Variants in HARS1 observed in about 807,000 individuals in gnomAD.
HARS1 encodes histidyl-tRNA synthetase 1.
HARS1 carries 45 observed loss-of-function variants against 63.6 expected under a neutral mutation model. The ratio of observed to expected loss-of-function variants is 0.71; its 90% CI spans 0.56 to 0.91. HARS1 has a LOEUF of 0.91. HARS1 is among the 40% of genes least tolerant of loss of function. The probability of loss-of-function intolerance (pLI) is 0.00; values close to 1 mark genes in which losing one functional copy is unlikely to be tolerated. For synonymous variants in HARS1, 205 were observed against 247.1 expected, an observed-to-expected ratio of 0.83 and a Z score of 1.60; for missense variants, 508 against 643.2, an observed-to-expected ratio of 0.79 and a Z score of 2.27.
intron 8 of HARS1, 89 bp from the exon 9 acceptor site, chr5:140,677,205 G>T: frequency 2.0e-6 from 3 of 1,463,714 alleles, no homozygotes; most frequent in Non-Finnish European, 2.9e-6. Flanking sequence ...AGTCGCCCAT[G>T]CATGTGTGTG....
rs777375880 is a variant in HARS1 at position 140,678,965 on chromosome 5, A to G, written c.522+37T>C. ...ATTCTGCTGGCTTGAGAGAGCCCCA[A>G]GTAACTCATCCTGCCCCACGGTTTC... is the stretch of plus-strand genomic sequence containing the variant. On this transcript the variant is annotated intron_variant, in intron 5 of 12. Coordinates refer to ENST00000504156, the MANE Select transcript of HARS1 (RefSeq NM_002109.6). The G allele has an allele frequency of 4.7e-5, 75 of 1,608,374 alleles. No individual in the cohort carries two copies. The East Asian group carries it at 1.4e-3, about 31-fold the overall frequency.
At position 140,674,019 on chromosome 5, in the gene HARS1, A is replaced by C. The variant is rs1758193161; in HGVS notation, c.*238T>G. On this transcript the variant is annotated 3_prime_UTR_variant, in exon 13 of 13. Transcript: ENST00000504156. Reference sequence around the variant, plus strand: ...ATCTCAGGCTGGGTCCTTGTAGCCCAGGAGCACAGACTGGACTAAGCCTCC... The same window carrying C: ...ATCTCAGGCTGGGTCCTTGTAGCCCCGGAGCACAGACTGGACTAAGCCTCC... 6.6e-6 allele frequency: 4 copies of C among 602,804 alleles called. 1 individual carries two copies. In the South Asian group the frequency reaches 7.7e-5, roughly 12 times the overall value. The allele number at this position is 602,804 out of a possible 1,614,324, so 37.3% of individuals were successfully genotyped here.
intron 8 of HARS1, 35 bp downstream of exon 8, chr5:140,677,292 G>C (rs748629604): frequency 4.0e-6 from 6 of 1,518,984 alleles, no homozygotes; most frequent in Non-Finnish European, 5.5e-6. Context: ...AGGGCAGTGG[G>C]ACGGCTGCTG....
At position 140,691,341 on chromosome 5, in the gene HARS1, T is replaced by A; in HGVS notation, c.-37A>T. 1 of 1,501,542 alleles carries A rather than the reference T, an allele frequency of 6.7e-7. No homozygotes were observed. The allele number at this position is 1,501,542 out of a possible 1,614,324, so 93.0% of individuals were successfully genotyped here. On this transcript the variant is annotated 5_prime_UTR_variant, in exon 1 of 13. Coordinates refer to ENST00000504156, the MANE Select transcript of HARS1 (RefSeq NM_002109.6). ...ACTTGAGCCGCCTGCTGTCTCGACCTGCGGTGGTTGCCCCAGCCTCAGCAA... is the reference window on the plus strand; with the variant it reads ...ACTTGAGCCGCCTGCTGTCTCGACCAGCGGTGGTTGCCCCAGCCTCAGCAA...
rs1194898229 is a variant in HARS1, at chr5:140,690,838, T to A, written c.180+17A>T. The A allele has an allele frequency of 7.1e-7, 1 of 1,416,804 alleles. No individual in the cohort carries two copies. Among genetic ancestry groups the A allele is most frequent in the Non-Finnish European group, 1.0e-6 (1 of 999,590 alleles). 87.8% of individuals were successfully genotyped at this position (1,416,804 alleles called of 1,614,324 possible). On this transcript the variant is annotated intron_variant, in intron 2 of 12. Coordinates refer to ENST00000504156, the MANE Select transcript of HARS1 (RefSeq NM_002109.6). ...GTTAGAGACTTTCTCAGTGGCTCCC[T>A]ACAGGAATGATATTACCTTGGGGGT...
Position 140,683,226 on chromosome 5 carries a change from G to GA in HARS1, c.181-8_181-7insT. 6.2e-7 allele frequency: 1 copy of GA among 1,612,204 alleles called. No individual in the cohort carries two copies. Among genetic ancestry groups the GA allele is most frequent in the South Asian group, 1.1e-5 (1 of 90,838 alleles). ...GACTATAGTCTCTTGTGCCCTTGGA[G>GA]TTGAAATCAGCCAGAGAACCAGAAA... On this transcript the variant is annotated splice_region_variant and splice_polypyrimidine_tract_variant and intron_variant, in intron 2 of 12. Coordinates refer to ENST00000504156, the MANE Select transcript of HARS1 (RefSeq NM_002109.6).
chr5:140,681,371 A>G (rs1758721571), intron 3 of HARS1, among the ~76,000 whole-genome samples: 1 of 152,290 alleles, frequency 6.6e-6, no homozygotes, highest in Non-Finnish European at 1.5e-5. Context: ...AGACGATGTA[A>G]AGACAAAGGG....
At chr5:140,684,436 A>C (rs1758906898) in intron 2 of HARS1, 1 of 979,590 alleles carries the variant, frequency 1.0e-6, no homozygotes, top group African/African-American at 1.7e-5. Context: ...TTTCTCTCCC[A>C]ATATAACTTT....
Position 140,676,872 on chromosome 5 carries a change from G to A in HARS1, c.976C>T (p.Arg326Ter), listed in dbSNP as rs1248042019. The stretch of plus-strand genomic sequence containing the variant: ...ACCCCAGTGTAGTAATCCAGCCCTC[G>A]AGCAAGGCTCAGGTCAAAGGAGATC... ...DKISFDLSLA[R>*]GLDYYTGVIY... is the part of the protein sequence containing the mutation. Residue 326 changes from arginine (R) to a stop codon, truncating the protein, a stop_gained, in exon 10 of 13, where the codon CGA (arginine) becomes TGA (stop). Coordinates refer to ENST00000504156, the MANE Select transcript of HARS1 (RefSeq NM_002109.6). LOFTEE classifies it high-confidence loss of function. This position sits in a 1 kb window ranked among gnomAD's most constrained non-coding sequence, Gnocchi z 4.1. 3.7e-6 allele frequency: 6 copies of A among 1,613,912 alleles called. No individual in the cohort carries two copies. Among genetic ancestry groups the A allele is most frequent in the East Asian group, 2.2e-5 (1 of 44,882 alleles).
intron 10 of HARS1, 53 bp from the exon 11 acceptor site, chr5:140,675,186 C>T: frequency 8.7e-7 from 1 of 1,154,890 alleles, no homozygotes; most frequent in Admixed American, 1.7e-5. Context: ...AAGGAGCAAA[C>T]AAAGCAGGCT....
At chr5:140,688,336 C>T (rs1759170520) in intron 2 of HARS1, among the ~76,000 whole-genome samples, 1 of 152,142 alleles carries the variant, frequency 6.6e-6, no homozygotes, top group Admixed American at 6.5e-5. Flanking sequence ...ATCCATTACC[C>T]AGCTTCAACA....
Position 140,679,476 on chromosome 5 carries a change from A to C in HARS1, c.396+312T>G. On this transcript the variant is annotated intron_variant, in intron 4 of 12. Coordinates refer to ENST00000504156, the MANE Select transcript of HARS1 (RefSeq NM_002109.6). This position sits in a 1 kb window ranked among gnomAD's most constrained non-coding sequence, Gnocchi z 4.3. ...CTCTGTGTAGCTTGGAGACAAGGGA[A>C]ATGTGTTGCTAGTCCATTAAGAAGA... 1 of 401,254 alleles carries C rather than the reference A, an allele frequency of 2.5e-6. No homozygotes were observed. The highest frequency in any genetic ancestry group is 4.4e-6 in the Non-Finnish European group (1 of 225,958). 24.9% of individuals were successfully genotyped at this position (401,254 alleles called of 1,614,324 possible). A position where few individuals can be genotyped will look rare whatever the true frequency, so the allele number is the denominator to read the frequency against.
intron 5 of HARS1, chr5:140,678,306 A>T (rs1385123738): frequency 7.0e-6 from 3 of 430,796 alleles, no homozygotes; most frequent in Non-Finnish European, 1.3e-5. Context: ...TTCCCTATTC[A>T]TCCAGAAGCC....
intron 2 of HARS1, chr5:140,687,776 AAC>A (rs1759124753): frequency 6.6e-6 from 1 of 152,170 alleles, no homozygotes; most frequent in African/African-American, 2.4e-5. Context: ...TGCAAATGTT[AAC>A]ACAACGAAAA....
At chr5:140,688,353 A>G (rs191532032) in intron 2 of HARS1, among the ~76,000 whole-genome samples, 3 of 152,106 alleles carry the variant, frequency 2.0e-5, no homozygotes, top group Non-Finnish European at 4.4e-5. Context: ...AACAACCATT[A>G]ACATCTGCTA....
rs184098206 is a variant in HARS1, at chr5:140,691,124, C to T, written c.90+91G>A. The T allele has an allele frequency of 5.1e-4, 552 of 1,075,328 alleles. 1 individual carries two copies. Among genetic ancestry groups the T allele is most frequent in the Admixed American group, 1.8e-3 (95 of 51,724 alleles). 66.6% of individuals were successfully genotyped at this position (1,075,328 alleles called of 1,614,324 possible). A position where few individuals can be genotyped will look rare whatever the true frequency, so the allele number is the denominator to read the frequency against. On this transcript the variant is annotated intron_variant, in intron 1 of 12. Transcript: ENST00000504156. ...CTCCTCCCTACAAGACTGGTCGCTT[C>T]CCTCACATCTCTACCCTATGTCCCG...
At position 140,679,172 on chromosome 5, in the gene HARS1, G is replaced by GC; in HGVS notation, c.397-46dup. On this transcript the variant is annotated intron_variant, in intron 4 of 12. Transcript: ENST00000504156. This position sits in a 1 kb window ranked among gnomAD's most constrained non-coding sequence, Gnocchi z 4.3. Reference sequence around the variant, plus strand: ...GAGAAAGCCCCTCCTATCACTGTCTGCAAGTTGATTATCATCACCAACAGA... The same window carrying GC: ...GAGAAAGCCCCTCCTATCACTGTCTGCCAAGTTGATTATCATCACCAACAGA... 5 of 1,604,174 alleles carry GC rather than the reference G, an allele frequency of 3.1e-6. No individual in the cohort carries two copies. The South Asian group carries it at 3.3e-5, about 11-fold the overall frequency.
chr5:140,687,449 G>A (rs1251544329), intron 2 of HARS1: 1 of 152,132 alleles, frequency 6.6e-6, no homozygotes, highest in African/African-American at 2.4e-5. Flanking sequence ...AGGAGGCTGA[G>A]GCACAATAAT....
Position 140,691,306 on chromosome 5 carries a change from C to A in HARS1, c.-2G>T. 6.2e-7 allele frequency: 1 copy of A among 1,602,610 alleles called. No individual in the cohort carries two copies. Among genetic ancestry groups the A allele is most frequent in the Non-Finnish European group, 8.5e-7 (1 of 1,177,536 alleles). On this transcript the variant is annotated 5_prime_UTR_variant, in exon 1 of 13. Transcript: ENST00000504156. ...CTCCAGCGCCGCACGCTCTGCCATC[C>A]CGGCTGTCCACTTGAGCCGCCTGCT...
Sources: gnomAD v4.1 joint callset for allele counts (sites outside exome capture counted in the v4.1 genomes callset) on GRCh38, gnomAD v4.1.1 for gene constraint, Gnocchi (gnomAD v3.1) non-coding constraint, MANE v1.5 for transcripts, NCBI Gene and HGNC (gene_info 2026-07-23, HGNC 2026-07-21) for gene names.